The following PTGIS variants were observed in gnomAD, a reference collection of about 807,000 sequenced individuals.
PTGIS encodes the protein prostacyclin synthase.
In PTGIS, 45 loss-of-function variants were observed where a neutral mutation model predicts 50.3. That is an observed-to-expected ratio of 0.90 (90% confidence interval 0.70 to 1.15). The LOEUF (loss-of-function observed/expected upper bound fraction) is 1.15. Ranked by LOEUF, PTGIS falls within the 50% of genes most tolerant of loss-of-function variation. The pLI is 0.00. For synonymous variants in PTGIS, 260 were observed against 267.7 expected (o/e 0.97, Z 0.28); for missense variants, 668 against 661.3 (o/e 1.01, Z -0.11).
intron 5 of PTGIS, among the ~76,000 whole-genome samples, chr20:49,529,699 A>G (rs1359776836): frequency 6.6e-6 from 1 of 152,180 alleles, no homozygotes. Context: ...ACACCTGCCC[A>G]TTAGTCACTT....
At chr20:49,525,322 G>T (rs1981767396) in intron 5 of PTGIS, among the ~76,000 whole-genome samples, 2 of 152,216 alleles carry the variant, frequency 1.3e-5, no homozygotes, top group Non-Finnish European at 2.9e-5. Flanking sequence ...GTTTTTTAAG[G>T]TTAGCATCCA....
chr20:49,544,493 A>AGC (rs1982309972), intron 3 of PTGIS, 45 bp from the exon 4 acceptor site: 2 of 1,611,392 alleles, frequency 1.2e-6, no homozygotes, highest in Admixed American at 1.7e-5. Flanking sequence ...TCCAAAGGGA[A>AGC]ATACACACCT....
At chr20:49,536,643 G>A (rs1379378878) in intron 5 of PTGIS, among the ~76,000 whole-genome samples, 1 of 151,860 alleles carries the variant, frequency 6.6e-6, no homozygotes, top group Non-Finnish European at 1.5e-5. Context: ...ACCACGCCCA[G>A]CTAATTTTTT....
rs200232468 is a variant in PTGIS, at chr20:49,568,020, G to A, written c.74+23C>T. Reference sequence around the variant, plus strand: ...GGAGCCGCCCCCTTTGTCTGGCGGGGCCGAGCGGAGCAGGACACTCACCGC... The same window carrying A: ...GGAGCCGCCCCCTTTGTCTGGCGGGACCGAGCGGAGCAGGACACTCACCGC... On this transcript the variant is annotated intron_variant, in intron 1 of 9. Transcript: ENST00000244043. 4,038 of 1,474,082 alleles carry A rather than the reference G, an allele frequency of 2.7e-3. 102 individuals carry two copies. The African/African-American group carries it at 0.053, about 19-fold the overall frequency. 91.3% of individuals were successfully genotyped at this position (1,474,082 alleles called of 1,614,324 possible). A position where few individuals can be genotyped will look rare whatever the true frequency, so the allele number is the denominator to read the frequency against.
chr20:49,539,842 G>A, intron 4 of PTGIS, 121 bp from the exon 5 acceptor site: 1 of 1,343,444 alleles, frequency 7.4e-7, no homozygotes, highest in South Asian at 1.3e-5. Context: ...GTGCGCCAAA[G>A]ACCATTCTGG....
rs2033222156 is a variant in PTGIS at position 49,524,140 on chromosome 20, C to G, written c.773G>C (p.Ser258Thr). The G allele has an allele frequency of 6.2e-7, 1 of 1,614,136 alleles. No homozygotes were observed. The highest frequency in any genetic ancestry group is 1.3e-5 in the African/African-American group (1 of 74,942). Reference sequence around the variant, plus strand: ...CATCTCCTCCAGGTGCAGCAGGTAACTCTCCAGCCATTTGCTCCGGTGGGC... The same window carrying G: ...CATCTCCTCCAGGTGCAGCAGGTAAGTCTCCAGCCATTTGCTCCGGTGGGC... ...RRAHRSKWLE[S>T]YLLHLEEMGV... The change falls in exon 6 of 10, where the codon AGT becomes ACT. Residue 258 changes from serine (S) to threonine (T), a missense_variant. Transcript: ENST00000244043.
At chr20:49,523,862 T>C (rs1981719759) in intron 6 of PTGIS, among the ~76,000 whole-genome samples, 196 bp downstream of exon 6, 1 of 152,212 alleles carries the variant, frequency 6.6e-6, no homozygotes, top group Non-Finnish European at 1.5e-5. Flanking sequence ...GGGAACTGGT[T>C]TGGGCAGTGG....
At chr20:49,553,786 A>T (rs1285656534) in intron 1 of PTGIS, among the ~76,000 whole-genome samples, 4 of 152,058 alleles carry the variant, frequency 2.6e-5, no homozygotes, top group African/African-American at 9.6e-5. Flanking sequence ...AAATAATTGT[A>T]TATGGAAAGA....
chr20:49,539,835 C>G lies in PTGIS; in HGVS notation c.522-114G>C, dbSNP rs1982180742. ...GTGAGCAACTACTAATCCTACTGTG[C>G]GCCAAAGACCATTCTGGGCACTGAA... is the stretch of plus-strand genomic sequence containing the variant. On this transcript the variant is annotated intron_variant, in intron 4 of 9. Transcript: ENST00000244043. 3.6e-6 allele frequency: 5 copies of G among 1,383,006 alleles called. No homozygotes were observed. In the South Asian group the frequency reaches 6.2e-5, roughly 17 times the overall value. The allele number at this position is 1,383,006 out of a possible 1,614,324, so 85.7% of individuals were successfully genotyped here.
chr20:49,568,131 G>GGCTGGCGGGGCTGGCGGT lies in PTGIS; in HGVS notation c.-16_-15insACCGCCAGCCCCGCCAGC. ...GCCCAAGCCATCGCGGGGCTGGCGG[G>GGCTGGCGGGGCTGGCGGT]GCTGGCGGGGCTGGCGGGGCTGGCG... On this transcript the variant is annotated 5_prime_UTR_variant, in exon 1 of 10. Transcript: ENST00000244043. The GGCTGGCGGGGCTGGCGGT allele has an allele frequency of 8.5e-7, 1 of 1,175,186 alleles. No homozygotes were observed. The highest frequency in any genetic ancestry group is 1.1e-6 in the Non-Finnish European group (1 of 908,828). The allele number at this position is 1,175,186 out of a possible 1,614,324, so 72.8% of individuals were successfully genotyped here.
rs569796386 is a variant in PTGIS, at chr20:49,525,723, C to T, written c.674-1484G>A. ...ATAAAATATAAAATTTGGTTTTCTC[C>T]GAAATCACCCCTTGGAAAAGTGAGA... On this transcript the variant is annotated intron_variant, in intron 5 of 9. Coordinates refer to ENST00000244043, the MANE Select transcript of PTGIS (RefSeq NM_000961.4). Among the ~76,000 whole-genome samples, 18 of 151,934 alleles carry T rather than the reference C, an allele frequency of 1.2e-4. No individual in the cohort carries two copies. In the South Asian group the frequency reaches 2.9e-3, roughly 25 times the overall value.
At chr20:49,509,575 T>A (rs559038626) in intron 9 of PTGIS, among the ~76,000 whole-genome samples, 51 of 152,304 alleles carry the variant, frequency 3.3e-4, no homozygotes, top group Non-Finnish European at 6.5e-4. Context: ...TCACATTTGC[T>A]CACGTGCAAT....
chr20:49,523,192 G>A (rs182459812), intron 6 of PTGIS, among the ~76,000 whole-genome samples: 6 of 152,246 alleles, frequency 3.9e-5, no homozygotes, highest in African/African-American at 1.2e-4. Flanking sequence ...ATGTATTTGG[G>A]CTCATTATCC....
chr20:49,550,036 C>T (rs761570065), intron 2 of PTGIS, 30 bp downstream of exon 2: 4 of 1,614,032 alleles, frequency 2.5e-6, no homozygotes, highest in East Asian at 2.2e-5. Flanking sequence ...TGCTCATCCC[C>T]ATCCCTCCCG....
chr20:49,546,919 G>A (rs561274395), intron 3 of PTGIS, among the ~76,000 whole-genome samples: 9 of 152,326 alleles, frequency 5.9e-5, no homozygotes, highest in African/African-American at 1.4e-4. Context: ...ATGTTCATCT[G>A]TTCTCTTATT....
Position 49,514,273 on chromosome 20 carries a change from C to T in PTGIS, c.978G>A (p.Gln326=). 1 of 1,614,108 alleles carries T rather than the reference C, an allele frequency of 6.2e-7. No individual in the cohort carries two copies. Among genetic ancestry groups the T allele is most frequent in the Non-Finnish European group, 8.5e-7 (1 of 1,180,036 alleles). Residue 326 remains glutamine, a synonymous_variant, in exon 7 of 10, where the codon CAG becomes CAA. Transcript: ENST00000244043. ...ILWQAEQPVS[Q]TTTLPQKVLD... The stretch of plus-strand genomic sequence containing the variant: ...GAACCTTCTGTGGGAGAGTGGTCGT[C>T]TGCGAGACAGGCTGCTCCGCTTGCC...
intron 5 of PTGIS, among the ~76,000 whole-genome samples, chr20:49,533,363 A>T (rs1057491967): frequency 6.6e-6 from 1 of 152,092 alleles, no homozygotes; most frequent in Non-Finnish European, 1.5e-5. Flanking sequence ...AATCCAGTAA[A>T]ATAAATGTTC....
At chr20:49,513,489 G>A (rs1304555097) in intron 7 of PTGIS, among the ~76,000 whole-genome samples, 1 of 152,128 alleles carries the variant, frequency 6.6e-6, no homozygotes, top group Non-Finnish European at 1.5e-5. Context: ...CCCAAGAGAA[G>A]TTGTGAGGGA....
chr20:49,550,129 G>T lies in PTGIS; in HGVS notation c.135C>A (p.Asp45Glu). ...GSIPWLGYAL[D>E]FGKDAASFLT... The stretch of plus-strand genomic sequence containing the variant: ...GGAAGCTGGCAGCATCTTTTCCAAA[G>T]TCCAAGGCATACCCCAACCAGGGGA... Residue 45 changes from aspartate (D) to glutamate (E), a missense_variant, in exon 2 of 10, where the codon GAC (aspartate) becomes GAA (glutamate). Asp to Glu is a conservative substitution (Grantham distance 45). Coordinates refer to ENST00000244043, the MANE Select transcript of PTGIS (RefSeq NM_000961.4). 2 of 1,614,152 alleles carry T rather than the reference G, an allele frequency of 1.2e-6. No individual in the cohort carries two copies. Among genetic ancestry groups the T allele is most frequent in the Non-Finnish European group, 1.7e-6 (2 of 1,180,028 alleles).
Sources: allele counts gnomAD v4.1 joint callset (sites outside exome capture counted in the v4.1 genomes callset), GRCh38; gene constraint gnomAD v4.1.1; transcripts MANE v1.5; gene names NCBI Gene and HGNC (gene_info 2026-07-23, HGNC 2026-07-21).